PARD3B: variants seen among roughly 807,000 people sequenced by gnomAD.
The protein encoded by PARD3B is partitioning defective 3 homolog B.
A neutral mutation model predicts 130.2 loss-of-function variants in PARD3B; 103 were observed. The observed-to-expected ratio is 0.79, with a 90% CI of 0.67 to 0.93. The LOEUF is 0.93. Among genes scored for constraint, PARD3B ranks in the 40% least tolerant of loss-of-function variants. PARD3B has a pLI of 0.00. For missense variants in PARD3B, 1,609 were observed against 1,499.2 expected, an observed-to-expected ratio of 1.07 and a Z score of -1.21; for synonymous variants, 583 against 553.2, an observed-to-expected ratio of 1.05 and a Z score of -0.76.
intron 1 of PARD3B, among the ~76,000 whole-genome samples, chr2:204,593,901 A>C (rs2125097200): frequency 6.6e-6 from 1 of 152,294 alleles, no homozygotes; most frequent in South Asian, 2.1e-4. Context: ...TAGTGTGAAA[A>C]CAACCTTACT....
chr2:204,966,290 TA>T (rs1330641544), intron 3 of PARD3B, among the ~76,000 whole-genome samples: 2 of 152,184 alleles, frequency 1.3e-5, no homozygotes, highest in Non-Finnish European at 2.9e-5. Flanking sequence ...GTGCCCCTTT[TA>T]AAATAAACCA....
chr2:204,736,084 C>G (rs527506782), intron 2 of PARD3B, among the ~76,000 whole-genome samples: 2 of 151,998 alleles, frequency 1.3e-5, no homozygotes, highest in Non-Finnish European at 2.9e-5. Context: ...GCACATCCCT[C>G]TTACTCCCTC....
chr2:205,332,773 A>G (rs2105780521), intron 18 of PARD3B, among the ~76,000 whole-genome samples: 1 of 152,250 alleles, frequency 6.6e-6, no homozygotes, highest in Middle Eastern at 3.4e-3. Flanking sequence ...AGTAGTGTCC[A>G]CTTTTCACTG....
chr2:205,158,995 G>T lies in PARD3B; in HGVS notation c.1620+88G>T. 7.0e-7 allele frequency: 1 copy of T among 1,422,738 alleles called. No homozygotes were observed. The highest frequency in any genetic ancestry group is 9.8e-7 in the Non-Finnish European group (1 of 1,024,248). 88.1% of individuals were successfully genotyped at this position (1,422,738 alleles called of 1,614,324 possible). ...TAGAGACTGAATGGAGAAAGTGTCT[G>T]AAGACTTGAGGCCACTGAGACTTTC... On this transcript the variant is annotated intron_variant, in intron 11 of 22. Coordinates refer to ENST00000406610, the MANE Select transcript of PARD3B (RefSeq NM_001302769.2). The surrounding 1 kb of genome is among the most constrained non-coding windows in gnomAD (Gnocchi z 5.4).
intron 16 of PARD3B, among the ~76,000 whole-genome samples, chr2:205,273,119 CTCTGAACAGCAACTAACACA>C (rs1257553931): frequency 1.3e-5 from 2 of 152,196 alleles, no homozygotes; most frequent in African/African-American, 4.8e-5. Context: ...GTTCAGTGTT[CTCTGAACAGCAACTAACACA>C]TACATTGCAG....
chr2:205,028,113 T>C (rs186032675), intron 3 of PARD3B, among the ~76,000 whole-genome samples: 1 of 152,222 alleles, frequency 6.6e-6, no homozygotes, highest in East Asian at 1.9e-4. Context: ...AAAAATAGAA[T>C]TGGAATTTAT....
At chr2:205,349,570 A>G (rs2043917488) in intron 18 of PARD3B, among the ~76,000 whole-genome samples, 1 of 152,198 alleles carries the variant, frequency 6.6e-6, no homozygotes. Flanking sequence ...TTAAAAAATA[A>G]AAAAGGAAGT....
At chr2:204,919,453 A>G (rs1278523412) in intron 2 of PARD3B, among the ~76,000 whole-genome samples, 5 of 152,170 alleles carry the variant, frequency 3.3e-5, no homozygotes, top group African/African-American at 4.8e-5. Flanking sequence ...GTTTTCTACC[A>G]TAAATTGGTT....
intron 19 of PARD3B, among the ~76,000 whole-genome samples, chr2:205,409,434 A>T (rs1192826899): frequency 6.6e-6 from 1 of 152,150 alleles, no homozygotes; most frequent in African/African-American, 2.4e-5. Flanking sequence ...CTTTACATTT[A>T]TTTGATCTCT....
rs536846844 is a variant in PARD3B at position 205,422,184 on chromosome 2, T to C, written c.2742-18186T>C. Among the ~76,000 whole-genome samples, 5 of 152,202 alleles carry C rather than the reference T, an allele frequency of 3.3e-5. No homozygotes were observed. In the South Asian group the frequency reaches 1.0e-3, roughly 32 times the overall value. On this transcript the variant is annotated intron_variant, in intron 19 of 22. Coordinates refer to ENST00000406610, the MANE Select transcript of PARD3B (RefSeq NM_001302769.2). ...TCAGCGATGAGCCAGTCACAAGAAG[T>C]CGATTTCAGACAGAAAGAACTGCAA...
intron 1 of PARD3B, among the ~76,000 whole-genome samples, chr2:204,663,683 C>G (rs1461599604): frequency 6.6e-6 from 1 of 152,122 alleles, no homozygotes; most frequent in Non-Finnish European, 1.5e-5. Flanking sequence ...TTTTTCTTGT[C>G]TGTAGGAGAG....
chr2:204,843,401 CCT>C lies in PARD3B; in HGVS notation c.223-121747_223-121746del, dbSNP rs1237211885. On this transcript the variant is annotated intron_variant, in intron 2 of 22. Coordinates refer to ENST00000406610, the MANE Select transcript of PARD3B (RefSeq NM_001302769.2). ...TTGTTTCCTTCCTCTTCTCTCCTCT[CCT>C]CTCCTTTTTCTTTTTTTTCTCCATT... 2.0e-5 allele frequency among the ~76,000 whole-genome samples: 3 copies of C among 152,056 alleles called. No homozygotes were observed. In the East Asian group the frequency reaches 5.8e-4, roughly 29 times the overall value.
intron 18 of PARD3B, among the ~76,000 whole-genome samples, chr2:205,320,564 GC>G (rs1283214029): frequency 2.0e-5 from 3 of 152,188 alleles, no homozygotes; most frequent in Non-Finnish European, 4.4e-5. Context: ...GCAGGCAGAT[GC>G]CATTTTAATC....
intron 4 of PARD3B, among the ~76,000 whole-genome samples, chr2:205,063,329 TA>T (rs1700169923): frequency 6.6e-6 from 1 of 151,912 alleles, no homozygotes; most frequent in East Asian, 1.9e-4. Flanking sequence ...ATAAAAAATA[TA>T]AAAAAATAAA....
intron 2 of PARD3B, among the ~76,000 whole-genome samples, chr2:204,765,520 T>C (rs947149051): frequency 6.6e-6 from 1 of 152,048 alleles, no homozygotes; most frequent in African/African-American, 2.4e-5. Context: ...AACAAGAAAA[T>C]TGTGTTATTT....
chr2:205,523,969 AT>A (rs932952093), intron 21 of PARD3B, among the ~76,000 whole-genome samples: 2 of 151,142 alleles, frequency 1.3e-5, no homozygotes, highest in Non-Finnish European at 3.0e-5. Context: ...TACGTAACAA[AT>A]TTTTTTTTAC....
intron 20 of PARD3B, among the ~76,000 whole-genome samples, chr2:205,489,044 T>G (rs1187908967): frequency 6.6e-6 from 1 of 152,212 alleles, no homozygotes; most frequent in Non-Finnish European, 1.5e-5. Context: ...CATGTATGTA[T>G]GCTTGTTTTG....
At chr2:205,023,391 G>A (rs1696768532) in intron 3 of PARD3B, among the ~76,000 whole-genome samples, 1 of 151,284 alleles carries the variant, frequency 6.6e-6, no homozygotes, top group African/African-American at 2.4e-5. Flanking sequence ...GAAAGAGAAG[G>A]CTGAGGAGTT....
At chr2:204,956,465 A>AC (rs1403594370) in intron 2 of PARD3B, among the ~76,000 whole-genome samples, 2 of 151,742 alleles carry the variant, frequency 1.3e-5, no homozygotes, top group African/African-American at 4.8e-5. Flanking sequence ...CTTTAAAAAA[A>AC]GCAGGTAAGA....
Sources: gnomAD v4.1 joint callset for allele counts (sites outside exome capture counted in the v4.1 genomes callset) on GRCh38, gnomAD v4.1.1 for gene constraint, Gnocchi (gnomAD v3.1) non-coding constraint, MANE v1.5 for transcripts, NCBI Gene and HGNC (gene_info 2026-07-23, HGNC 2026-07-21) for gene names.